Variants in ADGRB3 observed in about 807,000 individuals in gnomAD.
ADGRB3 encodes the protein brain-specific angiogenesis inhibitor 3.
A neutral mutation model predicts 193.4 loss-of-function variants in ADGRB3; 37 were observed. The observed-to-expected ratio is 0.19, with a 90% CI of 0.15 to 0.25. The LOEUF (loss-of-function observed/expected upper bound fraction) is 0.25, where lower values mean the gene tolerates loss of function less well. Ranked by LOEUF, ADGRB3 falls within the 10% of genes least tolerant of loss-of-function variation. The pLI, the probability that ADGRB3 is intolerant of heterozygous loss-of-function variation, is 1.00. For missense variants in ADGRB3, 1,637 were observed against 1,852.9 expected (o/e 0.88, Z 2.14); for synonymous variants, 690 against 644.2 (o/e 1.07, Z -1.08).
chr6:69,271,043 C>T (rs62408274), intron 20 of ADGRB3, among the ~76,000 whole-genome samples: 7,550 of 152,114 alleles, frequency 0.05, 232 homozygotes, highest in Non-Finnish European at 0.072. Flanking sequence ...TTGCATTAAA[C>T]TGGGAAAGTT....
chr6:68,875,666 C>G (rs1357854464), intron 3 of ADGRB3, among the ~76,000 whole-genome samples: 1 of 151,886 alleles, frequency 6.6e-6, no homozygotes, highest in African/African-American at 2.4e-5. Flanking sequence ...GGTAACCAGG[C>G]CTTGTAGATC....
chr6:68,912,700 A>G (rs1207672193), intron 3 of ADGRB3, among the ~76,000 whole-genome samples: 1 of 152,268 alleles, frequency 6.6e-6, no homozygotes. Context: ...ACATGAACTC[A>G]TCATTTTTTA....
At position 68,715,267 on chromosome 6, in the gene ADGRB3, C is replaced by T. The variant is rs186095966; in HGVS notation, c.757+75835C>T. On this transcript the variant is annotated intron_variant, in intron 3 of 31. Transcript: ENST00000370598. Reference sequence around the variant, plus strand: ...CTATAAGCCTCTCGGTAGTAGCCCTCCAGATTGTGTAACGCACGTCTGCAC... The same window carrying T: ...CTATAAGCCTCTCGGTAGTAGCCCTTCAGATTGTGTAACGCACGTCTGCAC... Among the ~76,000 whole-genome samples, 317 of 151,222 alleles carry T rather than the reference C, an allele frequency of 2.1e-3. 1 individual carries two copies. The highest frequency in any genetic ancestry group is 3.7e-3 in the Non-Finnish European group (249 of 67,628).
intron 17 of ADGRB3, among the ~76,000 whole-genome samples, chr6:69,227,484 T>C (rs1766044403): frequency 6.6e-6 from 1 of 152,100 alleles, no homozygotes; most frequent in Non-Finnish European, 1.5e-5. Context: ...TGAGGGTAAA[T>C]GGCGAGAAAC....
At chr6:68,665,040 C>G (rs1444740738) in intron 3 of ADGRB3, among the ~76,000 whole-genome samples, 51 of 151,924 alleles carry the variant, frequency 3.4e-4, no homozygotes, top group Non-Finnish European at 2.2e-4. Context: ...TCTCCCCTCC[C>G]ACCTTCACCA....
intron 3 of ADGRB3, among the ~76,000 whole-genome samples, chr6:68,772,840 A>G (rs1188049564): frequency 1.4e-5 from 2 of 141,514 alleles, no homozygotes; most frequent in Admixed American, 7.6e-5. Flanking sequence ...CAACATGGTG[A>G]AAACCTATTT....
intron 19 of ADGRB3, 41 bp downstream of exon 19, chr6:69,235,176 T>C: frequency 7.2e-7 from 1 of 1,384,946 alleles, no homozygotes; most frequent in Middle Eastern, 1.8e-4. Flanking sequence ...AATGCTTAGT[T>C]GTTCATAGTT....
chr6:69,029,660 G>T (rs1006254765), intron 13 of ADGRB3, among the ~76,000 whole-genome samples: 8 of 152,146 alleles, frequency 5.3e-5, no homozygotes, highest in Non-Finnish European at 7.4e-5. Context: ...CTTAAGGACT[G>T]AAGAATGAAA....
chr6:68,742,032 A>G (rs1247218665), intron 3 of ADGRB3, among the ~76,000 whole-genome samples: 1 of 152,220 alleles, frequency 6.6e-6, no homozygotes, highest in Admixed American at 6.5e-5. Context: ...TTTTGTTTGA[A>G]GAATTTAGCT....
chr6:69,278,559 G>C (rs1767352190), intron 20 of ADGRB3, among the ~76,000 whole-genome samples: 1 of 152,080 alleles, frequency 6.6e-6, no homozygotes, highest in African/African-American at 2.4e-5. Flanking sequence ...GCTAACCTAA[G>C]CATAATTTCA....
chr6:68,793,815 C>G (rs1397114606), intron 3 of ADGRB3, among the ~76,000 whole-genome samples: 2 of 152,112 alleles, frequency 1.3e-5, no homozygotes, highest in Non-Finnish European at 2.9e-5. Flanking sequence ...AGGCATAAGC[C>G]ACCACGCCCA....
intron 17 of ADGRB3, among the ~76,000 whole-genome samples, chr6:69,129,298 T>G (rs1358680687): frequency 2.0e-5 from 3 of 152,106 alleles, no homozygotes; most frequent in Non-Finnish European, 4.4e-5. Flanking sequence ...TTAATGCCTA[T>G]GGAATGCACT....
At chr6:68,847,896 A>G (rs1055787266) in intron 3 of ADGRB3, among the ~76,000 whole-genome samples, 17 of 152,082 alleles carry the variant, frequency 1.1e-4, no homozygotes, top group African/African-American at 4.1e-4. Context: ...AGGAAGGGAG[A>G]CACAAAGGAA....
intron 8 of ADGRB3, among the ~76,000 whole-genome samples, chr6:68,962,636 T>G (rs948583169): frequency 6.6e-6 from 1 of 152,212 alleles, no homozygotes; most frequent in African/African-American, 2.4e-5. Flanking sequence ...TTACTATTTT[T>G]TTATTTATTC....
chr6:69,250,439 G>A (rs1454804990), intron 20 of ADGRB3, among the ~76,000 whole-genome samples: 1 of 152,088 alleles, frequency 6.6e-6, no homozygotes, highest in African/African-American at 2.4e-5. Context: ...CCTAAGAACA[G>A]CATCCTTTAT....
intron 3 of ADGRB3, among the ~76,000 whole-genome samples, chr6:68,675,025 A>T (rs1282490518): frequency 6.6e-6 from 1 of 152,094 alleles, no homozygotes; most frequent in East Asian, 1.9e-4. Context: ...TGTCTAACTG[A>T]TGTGTTTCAG....
intron 3 of ADGRB3, among the ~76,000 whole-genome samples, chr6:68,867,450 G>T (rs1765328401): frequency 6.6e-6 from 1 of 152,218 alleles, no homozygotes; most frequent in South Asian, 2.1e-4. Flanking sequence ...TCTGCTTCAG[G>T]AGTGGAGCCC....
intron 17 of ADGRB3, among the ~76,000 whole-genome samples, chr6:69,153,360 A>G (rs1044847222): frequency 2.6e-5 from 4 of 152,262 alleles, no homozygotes; most frequent in South Asian, 2.1e-4. Flanking sequence ...TGATAATGTC[A>G]ATGACTTTTA....
In ADGRB3 at chr6:69,169,589, A is replaced by C. The variant is rs144472356; in HGVS notation, c.2481-63701A>C. ...TTATCATTTAATTATAAATTAAATGATATAATTAAATGATATAAATTAAAT... is the reference window on the plus strand; with the variant it reads ...TTATCATTTAATTATAAATTAAATGCTATAATTAAATGATATAAATTAAAT... On this transcript the variant is annotated intron_variant, in intron 17 of 31. Coordinates refer to ENST00000370598, the MANE Select transcript of ADGRB3 (RefSeq NM_001704.3). 1.0e-3 allele frequency among the ~76,000 whole-genome samples: 153 copies of C among 150,994 alleles called. 2 individuals carry two copies. The East Asian group carries it at 0.024, about 24-fold the overall frequency.
Sources: allele counts gnomAD v4.1 joint callset (sites outside exome capture counted in the v4.1 genomes callset), GRCh38; gene constraint gnomAD v4.1.1; transcripts MANE v1.5; gene names NCBI Gene and HGNC (gene_info 2026-07-23, HGNC 2026-07-21).